The following CPEB2 variants were observed in gnomAD, a reference collection of about 807,000 sequenced individuals.
CPEB2 encodes the protein cytoplasmic polyadenylation element binding protein 2.
Under a neutral mutation model 93.6 loss-of-function variants are expected in CPEB2, and 56 were observed. The observed-to-expected ratio is 0.60, with a 90% CI of 0.48 to 0.75. The LOEUF (loss-of-function observed/expected upper bound fraction) is 0.75. Among genes scored for constraint, CPEB2 ranks in the 30% least tolerant of loss-of-function variants. CPEB2 has a pLI of 0.00. For synonymous variants in CPEB2, 764 were observed against 586.3 expected (o/e 1.30, Z -4.38); for missense variants, 1,579 against 1,395.1 (o/e 1.13, Z -2.10).
In CPEB2 at chr4:15,003,378, G is replaced by A. The variant is rs1577345944; in HGVS notation, c.705G>A (p.Gln235=). The change falls in exon 1 of 12, where the codon CAG becomes CAA. Residue 235 remains glutamine (Q), a synonymous_variant. Coordinates refer to ENST00000538197, the MANE Select transcript of CPEB2 (RefSeq NM_001177382.2). ...GCCAGCAGCAACAGCCGCCGCAGCA[G>A]TTCAGCCTCCTGCATCAGCAGCACC... ...AQRQQQQPPQ[Q]FSLLHQQHLS... is the part of the protein sequence containing the mutation. 1 of 1,381,596 alleles carries A rather than the reference G, an allele frequency of 7.2e-7. No individual in the cohort carries two copies. Among genetic ancestry groups the A allele is most frequent in the Non-Finnish European group, 9.3e-7 (1 of 1,079,778 alleles). 85.6% of individuals were successfully genotyped at this position (1,381,596 alleles called of 1,614,324 possible).
chr4:15,052,683 C>A, intron 7 of CPEB2, 99 bp downstream of exon 7: 1 of 658,192 alleles, frequency 1.5e-6, no homozygotes, highest in Non-Finnish European at 2.3e-6. Context: ...TTTTTACCAC[C>A]TAGAGATTTT....
At chr4:15,053,799 G>A (rs1728464865) in intron 7 of CPEB2, among the ~76,000 whole-genome samples, 1 of 151,806 alleles carries the variant, frequency 6.6e-6, no homozygotes, top group Non-Finnish European at 1.5e-5. Flanking sequence ...TATATATGTT[G>A]GCATTTTTTT....
At chr4:15,010,309 G>T (rs1285717202) in intron 3 of CPEB2, among the ~76,000 whole-genome samples, 1 of 152,002 alleles carries the variant, frequency 6.6e-6, no homozygotes, top group African/African-American at 2.4e-5. Flanking sequence ...GATCTGTTTT[G>T]GCCATTTCTT....
chr4:15,052,321 T>C, intron 6 of CPEB2, 93 bp from the exon 7 acceptor site: 1 of 871,796 alleles, frequency 1.1e-6, no homozygotes, highest in South Asian at 3.6e-5. Context: ...CACCTTCATT[T>C]TTAAGTCTTT....
At chr4:15,058,838 C>G (rs941972311) in intron 9 of CPEB2, among the ~76,000 whole-genome samples, 2 of 152,088 alleles carry the variant, frequency 1.3e-5, no homozygotes, top group Non-Finnish European at 2.9e-5. Context: ...CATAGGAATG[C>G]GAACCCTATT....
At chr4:15,029,162 G>A (rs931532904) in intron 4 of CPEB2, among the ~76,000 whole-genome samples, 10 of 151,970 alleles carry the variant, frequency 6.6e-5, no homozygotes, top group African/African-American at 1.4e-4. Context: ...ACATTTGTGC[G>A]GATTCAATGT....
rs142623238 is a variant in CPEB2, at chr4:15,034,133, T to C, written c.2176+922T>C. Among the ~76,000 whole-genome samples, 862 of 152,208 alleles carry C rather than the reference T, an allele frequency of 5.7e-3. 14 individuals are homozygous for C. The highest frequency in any genetic ancestry group is 0.02 in the African/African-American group (812 of 41,526). On this transcript the variant is annotated intron_variant, in intron 5 of 11. Coordinates refer to ENST00000538197, the MANE Select transcript of CPEB2 (RefSeq NM_001177382.2). The stretch of plus-strand genomic sequence containing the variant: ...TAAGTAGGATTCTCAATGAGAAAAA[T>C]TGAAGAAGGCAGAGCATTAGATGAG...
intron 5 of CPEB2, among the ~76,000 whole-genome samples, chr4:15,034,526 T>G (rs1477797634): frequency 6.6e-6 from 1 of 152,170 alleles, no homozygotes; most frequent in Non-Finnish European, 1.5e-5. Context: ...GTGAGTAGTC[T>G]TAGTAGTCAT....
At chr4:15,005,853 C>G (rs1273434389) in intron 1 of CPEB2, among the ~76,000 whole-genome samples, 1 of 152,164 alleles carries the variant, frequency 6.6e-6, no homozygotes, top group East Asian at 1.9e-4. Context: ...TTATAACCCT[C>G]AGCAACTGTC....
chr4:15,007,404 A>G lies in CPEB2; in HGVS notation c.1762A>G (p.Thr588Ala), dbSNP rs111964119. The G allele has an allele frequency of 5.6e-6, 9 of 1,613,988 alleles. No homozygotes were observed. The highest frequency in any genetic ancestry group is 6.8e-6 in the Non-Finnish European group (8 of 1,179,970). ...AATGCATGGCAGAGATCATCGTAGA[A>G]CCGGAAACATGGGAATCCCAGGAAC... The part of the protein sequence containing the change: ...GAMHGRDHRR[T>A]GNMGIPGTMN... Residue 588 changes from threonine to alanine, a missense_variant, in exon 2 of 12, where the codon ACC becomes GCC. By Grantham distance (58) the Thr-to-Ala change is moderately conservative. Transcript: ENST00000538197.
rs1371260649 is a variant in CPEB2 at position 15,003,764 on chromosome 4, G to C, written c.1091G>C (p.Gly364Ala). The C allele has an allele frequency of 3.3e-6, 4 of 1,224,968 alleles. No homozygotes were observed. In the African/African-American group the frequency reaches 6.5e-5, roughly 20 times the overall value. The allele number at this position is 1,224,968 out of a possible 1,614,324, so 75.9% of individuals were successfully genotyped here. A position where few individuals can be genotyped will look rare whatever the true frequency, so the allele number is the denominator to read the frequency against. ...GGCGGGGGCGGGGGGCCCCCAGGAG[G>C]CGGAGGGGGAGGCGGCTCCGCGTCG... ...GGGGGGGPPGGGGGGGSASPP... is the reference protein window; with the variant it reads ...GGGGGGGPPGAGGGGGSASPP... Residue 364 changes from glycine (G) to alanine (A), a missense_variant, in exon 1 of 12, where the codon GGC becomes GCC. Gly to Ala is a moderately conservative substitution (Grantham distance 60, BLOSUM62 0). Coordinates refer to ENST00000538197, the MANE Select transcript of CPEB2 (RefSeq NM_001177382.2).
chr4:15,034,090 C>T (rs1726376980), intron 5 of CPEB2, among the ~76,000 whole-genome samples: 1 of 151,996 alleles, frequency 6.6e-6, no homozygotes, highest in African/African-American at 2.4e-5. Context: ...GTCCAGGCCA[C>T]GTAGGAGATG....
At chr4:15,058,859 C>T (rs562554602) in intron 9 of CPEB2, among the ~76,000 whole-genome samples, 13 of 152,198 alleles carry the variant, frequency 8.5e-5, no homozygotes, top group African/African-American at 2.2e-4. Context: ...GTGAACTGCA[C>T]GTGCGAGTGA....
At chr4:15,024,292 A>G (rs1355711483) in intron 4 of CPEB2, among the ~76,000 whole-genome samples, 1 of 151,258 alleles carries the variant, frequency 6.6e-6, no homozygotes, top group African/African-American at 2.4e-5. Flanking sequence ...TTTTTCTTTG[A>G]TTTGTTGGAC....
Position 15,059,304 on chromosome 4 carries a change from A to T in CPEB2, c.2695+3A>T, listed in dbSNP as rs1335969085. 1 of 1,562,144 alleles carries T rather than the reference A, an allele frequency of 6.4e-7. No individual in the cohort carries two copies. The highest frequency in any genetic ancestry group is 1.7e-5 in the Admixed American group (1 of 57,740). Reference sequence around the variant, plus strand: ...TGTTCCTAGGCCATTAAGGGCTGGTAAGTAGAATGTTAACAATTTTGTTTA... The same window carrying T: ...TGTTCCTAGGCCATTAAGGGCTGGTTAGTAGAATGTTAACAATTTTGTTTA... On this transcript the variant is annotated splice_donor_region_variant and intron_variant, in intron 10 of 11. Coordinates refer to ENST00000538197, the MANE Select transcript of CPEB2 (RefSeq NM_001177382.2).
intron 11 of CPEB2, among the ~76,000 whole-genome samples, chr4:15,065,766 C>T (rs745592913): frequency 1.1e-4 from 17 of 152,048 alleles, no homozygotes; most frequent in Non-Finnish European, 1.9e-4. Context: ...GGAGAGGCGC[C>T]GCCTTAATCA....
In CPEB2 at chr4:15,003,785, C is replaced by A; in HGVS notation, c.1112C>A (p.Ala371Glu). Reference sequence around the variant, plus strand: ...GGAGGCGGAGGGGGAGGCGGCTCCGCGTCGCCGCCGCCGCTGCCCGGCTTC... The same window carrying A: ...GGAGGCGGAGGGGGAGGCGGCTCCGAGTCGCCGCCGCCGCTGCCCGGCTTC... ...PPGGGGGGGSASPPPLPGFGT... is the reference protein window; with the variant it reads ...PPGGGGGGGSESPPPLPGFGT... The change falls in exon 1 of 12, where the codon GCG becomes GAG. Residue 371 changes from alanine to glutamate, a missense_variant. By Grantham distance (107) the Ala-to-Glu change is moderately radical. Around this residue, in one of 2 missense-constraint regions of CPEB2, gnomAD observed 1,411 missense variants for 1,056.0 expected, o/e 1.34. Coordinates refer to ENST00000538197, the MANE Select transcript of CPEB2 (RefSeq NM_001177382.2). 1 of 969,058 alleles carries A rather than the reference C, an allele frequency of 1.0e-6. No homozygotes were observed. Among genetic ancestry groups the A allele is most frequent in the Non-Finnish European group, 1.3e-6 (1 of 777,916 alleles). The allele number at this position is 969,058 out of a possible 1,614,324, so 60.0% of individuals were successfully genotyped here.
At chr4:15,059,424 A>G (rs1183456833) in intron 10 of CPEB2, 123 bp downstream of exon 10, 3 of 509,628 alleles carry the variant, frequency 5.9e-6, no homozygotes, top group Non-Finnish European at 1.0e-5. Context: ...CAGATTCTGC[A>G]TGCACCAATT....
intron 3 of CPEB2, among the ~76,000 whole-genome samples, chr4:15,013,167 G>T (rs1723705828): frequency 6.6e-6 from 1 of 151,562 alleles, no homozygotes; most frequent in African/African-American, 2.4e-5. Context: ...CAAATGTCTG[G>T]GTTTAAGAAA....
Sources: allele counts gnomAD v4.1 joint callset (sites outside exome capture counted in the v4.1 genomes callset), GRCh38; gene constraint gnomAD v4.1.1; regional missense constraint gnomAD v4.1.1; transcripts MANE v1.5; gene names NCBI Gene and HGNC (gene_info 2026-07-23, HGNC 2026-07-21).